CCDC180: variants seen among roughly 807,000 people sequenced by gnomAD.
CCDC180 encodes the protein coiled-coil domain-containing protein 180.
In CCDC180, 154 loss-of-function variants were observed where a neutral mutation model predicts 209.2. The ratio of observed to expected loss-of-function variants is 0.74; its 90% confidence interval spans 0.65 to 0.84. CCDC180 has a LOEUF of 0.84. Ranked by LOEUF, CCDC180 falls within the 40% of genes least tolerant of loss-of-function variation. The pLI is 0.00. For missense variants in CCDC180, 1,874 were observed against 1,997.3 expected (o/e 0.94, Z 1.18); for synonymous variants, 778 against 749.1 (o/e 1.04, Z -0.63).
Position 97,309,402 on chromosome 9 carries a change from C to G in CCDC180, c.70-12C>G. 6.3e-7 allele frequency: 1 copy of G among 1,599,014 alleles called. No individual in the cohort carries two copies. The highest frequency in any genetic ancestry group is 8.5e-7 in the Non-Finnish European group (1 of 1,173,642). Reference sequence around the variant, plus strand: ...TGACCACTCCCCCATCCTTGGTCCTCCCTGGATTCAGGTGCAGCTGGTCCA... The same window carrying G: ...TGACCACTCCCCCATCCTTGGTCCTGCCTGGATTCAGGTGCAGCTGGTCCA... On this transcript the variant is annotated splice_polypyrimidine_tract_variant and intron_variant, in intron 2 of 36. Coordinates refer to ENST00000529487, the MANE Select transcript of CCDC180 (RefSeq NM_020893.6).
chr9:97,307,655 C>A (rs1488960579), upstream of CCDC180: 1 of 1,390,636 alleles, frequency 7.2e-7, no homozygotes, highest in South Asian at 1.2e-5. Context: ...CCAACCGACA[C>A]CTTGAGCGCC....
intron 1 of CCDC180, 40 bp from the exon 2 acceptor site, chr9:97,307,943 C>T (rs1467195395): frequency 1.3e-6 from 2 of 1,582,120 alleles, no homozygotes; most frequent in Non-Finnish European, 1.7e-6. Flanking sequence ...CCCGCCTGGA[C>T]CTGAACCTGA....
chr9:97,359,845 C>G, intron 25 of CCDC180, 137 bp from the exon 26 acceptor site: 1 of 1,141,274 alleles, frequency 8.8e-7, no homozygotes, highest in South Asian at 1.5e-5. Context: ...CAAGGGCCTT[C>G]CCTGCATGTG....
chr9:97,321,367 A>G (rs528214662), intron 11 of CCDC180, among the ~76,000 whole-genome samples: 1 of 152,344 alleles, frequency 6.6e-6, no homozygotes, highest in South Asian at 2.1e-4. Flanking sequence ...GAGGATAACA[A>G]CAATCTAGTG....
In CCDC180 at chr9:97,322,888, G is replaced by C; in HGVS notation, c.1215G>C (p.Trp405Cys). 1 of 1,614,086 alleles carries C rather than the reference G, an allele frequency of 6.2e-7. No homozygotes were observed. Among genetic ancestry groups the C allele is most frequent in the Non-Finnish European group, 8.5e-7 (1 of 1,180,020 alleles). ...TCCGCCTGCTGTATGAGAAGACATG[G>C]CAGGAGTGCCTGATGCATGTGCAGA... The part of the protein sequence containing the change: ...MRIRLLYEKT[W>C]QECLMHVQNC... The change falls in exon 12 of 37, where the codon TGG becomes TGC. Residue 405 changes from tryptophan to cysteine, a missense_variant. Physicochemically the swap from Trp to Cys is radical, Grantham distance 215. Transcript: ENST00000529487.
intron 13 of CCDC180, 60 bp downstream of exon 13, chr9:97,323,963 G>C (rs544406978): frequency 6.5e-7 from 1 of 1,536,506 alleles, no homozygotes; most frequent in Non-Finnish European, 8.8e-7. Context: ...CCCCGGGGTT[G>C]CTGGGCTGTA....
chr9:97,366,166 C>T lies in CCDC180; in HGVS notation c.4048-393C>T, dbSNP rs1271149847. ...AGTGCCTTCTCCTGTCTGCCTCCCA[C>T]GGGTCTGTCTGCCTCCTTCAGGGCA... On this transcript the variant is annotated intron_variant, in intron 30 of 36. Coordinates refer to ENST00000529487, the MANE Select transcript of CCDC180 (RefSeq NM_020893.6). This position sits in a 1 kb window ranked among gnomAD's most constrained non-coding sequence, Gnocchi z 4.3. Among the ~76,000 whole-genome samples the T allele has an allele frequency of 6.6e-6, 1 of 152,236 alleles. No individual in the cohort carries two copies. The highest frequency in any genetic ancestry group is 1.5e-5 in the Non-Finnish European group (1 of 68,042).
intron 16 of CCDC180, among the ~76,000 whole-genome samples, chr9:97,328,687 T>C (rs572956098): frequency 1.3e-4 from 20 of 152,126 alleles, no homozygotes; most frequent in Non-Finnish European, 2.4e-4. Flanking sequence ...AACCCACCCA[T>C]ACCTCCAATT....
chr9:97,309,396 G>C lies in CCDC180; in HGVS notation c.70-18G>C. ...CAGCTCTGACCACTCCCCCATCCTT[G>C]GTCCTCCCTGGATTCAGGTGCAGCT... On this transcript the variant is annotated intron_variant, in intron 2 of 36. Transcript: ENST00000529487. 1 of 1,594,946 alleles carries C rather than the reference G, an allele frequency of 6.3e-7. No homozygotes were observed. Among genetic ancestry groups the C allele is most frequent in the Non-Finnish European group, 8.5e-7 (1 of 1,172,380 alleles).
chr9:97,320,555 G>A (rs1833324972), intron 11 of CCDC180, among the ~76,000 whole-genome samples: 2 of 152,214 alleles, frequency 1.3e-5, no homozygotes, highest in Admixed American at 1.3e-4. Flanking sequence ...CTCCTCCCAG[G>A]CTGTGTGACC....
In CCDC180 at chr9:97,366,908, C is replaced by CTT. The variant is rs1007486758; in HGVS notation, c.4189+209_4189+210dup. On this transcript the variant is annotated intron_variant, in intron 31 of 36. Coordinates refer to ENST00000529487, the MANE Select transcript of CCDC180 (RefSeq NM_020893.6). This position sits in a 1 kb window ranked among gnomAD's most constrained non-coding sequence, Gnocchi z 4.3. ...CCATGCAAGAAAAAAGTTCACTTTT[C>CTT]TTGAGAAATATGGTGATTTGTACCT... is the stretch of plus-strand genomic sequence containing the variant. 5.3e-5 allele frequency among the ~76,000 whole-genome samples: 8 copies of CTT among 152,326 alleles called. No homozygotes were observed. The highest frequency in any genetic ancestry group is 1.9e-4 in the African/African-American group (8 of 41,570).
chr9:97,362,145 C>A, intron 27 of CCDC180, 51 bp from the exon 28 acceptor site: 2 of 1,576,254 alleles, frequency 1.3e-6, no homozygotes, highest in East Asian at 4.5e-5. Context: ...CTGGCCTGAG[C>A]TACCCCCATG....
intron 18 of CCDC180, among the ~76,000 whole-genome samples, chr9:97,332,072 G>A (rs1037528428): frequency 1.3e-5 from 2 of 152,148 alleles, no homozygotes; most frequent in Non-Finnish European, 1.5e-5. Context: ...GTTGATTTTT[G>A]TATGTGGTAT....
intron 9 of CCDC180, among the ~76,000 whole-genome samples, chr9:97,317,564 G>C (rs950497439): frequency 6.6e-6 from 1 of 152,114 alleles, no homozygotes; most frequent in Non-Finnish European, 1.5e-5. Context: ...CCAATTATCT[G>C]TATAATTTCC....
chr9:97,312,036 T>C (rs950284058), intron 3 of CCDC180, 77 bp from the exon 4 acceptor site: 1 of 1,263,848 alleles, frequency 7.9e-7, no homozygotes, highest in African/African-American at 1.5e-5. Context: ...GAACCACCCC[T>C]TGGTGCCCTT....
At chr9:97,349,348 C>T (rs1826360501) in intron 21 of CCDC180, 57 bp downstream of exon 21, 1 of 1,465,084 alleles carries the variant, frequency 6.8e-7, no homozygotes, top group African/African-American at 1.4e-5. Context: ...CCCAGTTCGG[C>T]TGCTGCTTTC....
At chr9:97,313,006 T>C (rs1245394658) in intron 4 of CCDC180, among the ~76,000 whole-genome samples, 1 of 152,128 alleles carries the variant, frequency 6.6e-6, no homozygotes, top group African/African-American at 2.4e-5. Context: ...ATTCTGTGCA[T>C]ACTATTTTGG....
At chr9:97,370,492 C>T in intron 32 of CCDC180, 149 bp from the exon 33 acceptor site, 3 of 864,852 alleles carry the variant, frequency 3.5e-6, no homozygotes, top group Non-Finnish European at 5.5e-6. Context: ...CCCTCTTAAC[C>T]CCTCTGCCAC....
chr9:97,313,456 C>T (rs1833058231), intron 5 of CCDC180, 111 bp downstream of exon 5: 2 of 702,094 alleles, frequency 2.8e-6, no homozygotes, highest in Admixed American at 2.3e-5. Flanking sequence ...CTCAGGGGCT[C>T]ACAGAGCCTT....
Sources: gnomAD v4.1 joint callset for allele counts (sites outside exome capture counted in the v4.1 genomes callset) on GRCh38, gnomAD v4.1.1 for gene constraint, Gnocchi (gnomAD v3.1) non-coding constraint, MANE v1.5 for transcripts, NCBI Gene and HGNC (gene_info 2026-07-23, HGNC 2026-07-21) for gene names.